MBD5: variants seen among roughly 807,000 people sequenced by gnomAD.
The protein encoded by MBD5 is methyl-CpG-binding domain protein 5.
In MBD5, 13 loss-of-function variants were observed where a neutral mutation model predicts 117.3. The ratio of observed to expected loss-of-function variants is 0.11; its 90% CI spans 0.07 to 0.18. The LOEUF is 0.18. MBD5 is among the 10% of genes least tolerant of loss of function. MBD5 has a pLI of 1.00. For synonymous variants in MBD5, 727 were observed against 766.4 expected (o/e 0.95, Z 0.85); for missense variants, 1,879 against 2,093.8 (o/e 0.90, Z 2.00).
At chr2:148,207,651 T>A (rs1030569913) in intron 2 of MBD5, among the ~76,000 whole-genome samples, 1 of 150,036 alleles carries the variant, frequency 6.7e-6, no homozygotes, top group South Asian at 2.1e-4. Flanking sequence ...TATTTAACAT[T>A]GTACTAAAGG....
chr2:148,055,789 T>G (rs552178302), intron 1 of MBD5: 1 of 152,328 alleles, frequency 6.6e-6, no homozygotes, highest in South Asian at 2.1e-4. Context: ...GGTCTTATAA[T>G]TGTATTTCCA....
intron 3 of MBD5, among the ~76,000 whole-genome samples, chr2:148,257,503 A>T (rs1307815342): frequency 3.3e-5 from 5 of 152,210 alleles, no homozygotes; most frequent in African/African-American, 1.2e-4. Flanking sequence ...ACCCGACCAG[A>T]TAACTCCCAA....
rs555064890 is a variant in MBD5 at position 148,022,369 on chromosome 2, T to A, written c.-925+685T>A. Reference sequence around the variant, plus strand: ...TTTTTGGTTAAATGTCTGTTTCATATATCAGTATATAAAGTCCAAAGCTCT... The same window carrying A: ...TTTTTGGTTAAATGTCTGTTTCATAAATCAGTATATAAAGTCCAAAGCTCT... On this transcript the variant is annotated intron_variant, in intron 1 of 13. Coordinates refer to ENST00000642680, the MANE Select transcript of MBD5 (RefSeq NM_001378120.1). Among the ~76,000 whole-genome samples, 3 of 152,318 alleles carry A rather than the reference T, an allele frequency of 2.0e-5. No individual in the cohort carries two copies. In the East Asian group the frequency reaches 5.8e-4, roughly 29 times the overall value.
chr2:148,438,877 G>A (rs766917642), intron 4 of MBD5, among the ~76,000 whole-genome samples: 21 of 152,150 alleles, frequency 1.4e-4, no homozygotes, highest in Non-Finnish European at 2.5e-4. Context: ...TGCCAACGCT[G>A]AGAGAAGATC....
intron 3 of MBD5, among the ~76,000 whole-genome samples, chr2:148,251,877 A>G (rs1700473551): frequency 6.6e-6 from 1 of 152,204 alleles, no homozygotes; most frequent in Non-Finnish European, 1.5e-5. Context: ...TGCTATCACG[A>G]GTGAGATATC....
At chr2:148,069,387 T>A (rs185500581) in intron 1 of MBD5, among the ~76,000 whole-genome samples, 1 of 152,290 alleles carries the variant, frequency 6.6e-6, no homozygotes, top group African/African-American at 2.4e-5. Flanking sequence ...TAAATGGAAG[T>A]ATCATAATTT....
At chr2:148,103,527 A>G (rs1046860665) in intron 1 of MBD5, among the ~76,000 whole-genome samples, 5 of 152,138 alleles carry the variant, frequency 3.3e-5, no homozygotes, top group African/African-American at 1.2e-4. Context: ...CAACCTGTTG[A>G]TGTTGCGATA....
At chr2:148,183,071 A>G (rs1698567603) in intron 2 of MBD5, among the ~76,000 whole-genome samples, 1 of 152,220 alleles carries the variant, frequency 6.6e-6, no homozygotes, top group African/African-American at 2.4e-5. Flanking sequence ...TGACTTCCTC[A>G]TAGCTCTTAA....
At chr2:148,441,387 A>C (rs1440897793) in intron 4 of MBD5, among the ~76,000 whole-genome samples, 1 of 152,110 alleles carries the variant, frequency 6.6e-6, no homozygotes, top group Non-Finnish European at 1.5e-5. Context: ...TAGTTTGCTG[A>C]GAATGATGGT....
At chr2:148,079,294 C>T (rs1159754571) in intron 1 of MBD5, among the ~76,000 whole-genome samples, 1 of 152,114 alleles carries the variant, frequency 6.6e-6, no homozygotes, top group Non-Finnish European at 1.5e-5. Flanking sequence ...CTCATCCAGC[C>T]TTAAGCAATG....
chr2:148,034,444 G>T (rs1210522154), intron 1 of MBD5, among the ~76,000 whole-genome samples: 2 of 151,974 alleles, frequency 1.3e-5, no homozygotes, highest in African/African-American at 4.8e-5. Context: ...CATCAAATAA[G>T]GTTTAAAAAC....
intron 4 of MBD5, among the ~76,000 whole-genome samples, chr2:148,399,946 T>G (rs991189756): frequency 6.6e-6 from 1 of 152,218 alleles, no homozygotes; most frequent in Non-Finnish European, 1.5e-5. Context: ...GTTTATATGC[T>G]GGATTACGTT....
At chr2:148,502,221 A>G (rs918374337) in intron 11 of MBD5, among the ~76,000 whole-genome samples, 1 of 152,250 alleles carries the variant, frequency 6.6e-6, no homozygotes, top group South Asian at 2.1e-4. Context: ...ACAATTTTAA[A>G]GCCAAACAGC....
chr2:148,154,949 C>T (rs147618366), intron 1 of MBD5, among the ~76,000 whole-genome samples: 3,312 of 152,296 alleles, frequency 0.022, 45 homozygotes, highest in Non-Finnish European at 0.033. Context: ...GCCATCTTGG[C>T]TCCTCCCTAA....
chr2:148,146,389 A>G (rs1165534289), intron 1 of MBD5, among the ~76,000 whole-genome samples: 1 of 152,024 alleles, frequency 6.6e-6, no homozygotes, highest in African/African-American at 2.4e-5. Context: ...TGCACCACAC[A>G]CCTGGCTAAT....
chr2:148,458,803 T>C lies in MBD5; in HGVS notation c.45T>C (p.Gly15=). 1 of 1,613,130 alleles carries C rather than the reference T, an allele frequency of 6.2e-7. No homozygotes were observed. Among genetic ancestry groups the C allele is most frequent in the Non-Finnish European group, 8.5e-7 (1 of 1,179,588 alleles). ...GTGACGGAGGGGACAAGGAAGGAGG[T>C]CTTCCAGCTATACAAGTTCCTGTGG... ...KECDGGDKEG[G]LPAIQVPVGW... The change falls in exon 5 of 14, where the codon GGT becomes GGC. Residue 15 remains glycine, a synonymous_variant. Transcript: ENST00000642680.
In MBD5 at chr2:148,215,251, C is replaced by T. The variant is rs556268638; in HGVS notation, c.-830-17994C>T. ...AAGACTGTCTGTTTTGTCCCTGCTA[C>T]ATCGCCAGCCCCCAAAATAGTGTCT... is the stretch of plus-strand genomic sequence containing the variant. On this transcript the variant is annotated intron_variant, in intron 2 of 13. Transcript: ENST00000642680. 1.1e-4 allele frequency among the ~76,000 whole-genome samples: 16 copies of T among 152,332 alleles called. No homozygotes were observed. The East Asian group carries it at 2.9e-3, about 28-fold the overall frequency.
chr2:148,381,908 T>C (rs1704157374), intron 4 of MBD5, among the ~76,000 whole-genome samples: 1 of 152,132 alleles, frequency 6.6e-6, no homozygotes, highest in Admixed American at 6.5e-5. Flanking sequence ...AAGCAAATGC[T>C]GAGAGATTTT....
intron 8 of MBD5, among the ~76,000 whole-genome samples, chr2:148,474,665 C>T (rs2105683774): frequency 6.6e-6 from 1 of 152,144 alleles, no homozygotes; most frequent in African/African-American, 2.4e-5. Flanking sequence ...TAAAGATATA[C>T]ATGACAAGAA....
Sources: gnomAD v4.1 joint callset for allele counts (sites outside exome capture counted in the v4.1 genomes callset) on GRCh38, gnomAD v4.1.1 for gene constraint, MANE v1.5 for transcripts, NCBI Gene and HGNC (gene_info 2026-07-23, HGNC 2026-07-21) for gene names.